Variants in PABPC4L observed in about 807,000 individuals in gnomAD.
The protein encoded by PABPC4L is polyadenylate-binding protein 4-like.
For synonymous variants in PABPC4L, 169 were observed against 164.1 expected (o/e 1.03, Z -0.23); for missense variants, 452 against 451.4 (o/e 1.00, Z -0.01).
At chr4:134,035,655 A>C in the PABPC4L span, among the ~76,000 whole-genome samples, 2 of 152,088 alleles carry the variant, frequency 1.3e-5, no homozygotes, top group South Asian at 4.2e-4. Flanking sequence ...CAACAACTTA[A>C]TGTGTTTCTA....
chr4:134,114,532 G>A, the PABPC4L span, among the ~76,000 whole-genome samples: 37 of 151,768 alleles, frequency 2.4e-4, no homozygotes, highest in Non-Finnish European at 1.9e-4. Context: ...AACCAATGAG[G>A]AACTGGGGGA....
At chr4:134,124,536 C>T in the PABPC4L span, among the ~76,000 whole-genome samples, 1 of 151,990 alleles carries the variant, frequency 6.6e-6, no homozygotes, top group East Asian at 1.9e-4. Context: ...CTCCAAATTG[C>T]AATTCTTGTT....
the PABPC4L span, among the ~76,000 whole-genome samples, chr4:134,009,987 C>T: frequency 6.6e-6 from 1 of 151,886 alleles, no homozygotes; most frequent in African/African-American, 2.4e-5. Context: ...AAGAGAAGCT[C>T]AGCTAATGAC....
chr4:133,991,703 G>A, the PABPC4L span, among the ~76,000 whole-genome samples: 2 of 152,174 alleles, frequency 1.3e-5, no homozygotes, highest in Non-Finnish European at 2.9e-5. Context: ...CTGGGACAGG[G>A]CACGTTCTAA....
At chr4:134,044,191 C>G in the PABPC4L span, among the ~76,000 whole-genome samples, 1 of 152,034 alleles carries the variant, frequency 6.6e-6, no homozygotes, top group South Asian at 2.1e-4. Flanking sequence ...TTGGGCCTCC[C>G]AAAGTGCTGG....
At chr4:134,105,782 G>A in the PABPC4L span, among the ~76,000 whole-genome samples, 1 of 151,588 alleles carries the variant, frequency 6.6e-6, no homozygotes, top group African/African-American at 2.4e-5. Flanking sequence ...AAGTTTTTTA[G>A]TGGGCTTTAT....
the PABPC4L span, among the ~76,000 whole-genome samples, chr4:134,099,826 C>A: frequency 6.6e-6 from 1 of 151,646 alleles, no homozygotes; most frequent in Non-Finnish European, 1.5e-5. Flanking sequence ...AAAGAGTGTT[C>A]TGGGTTGCTG....
At chr4:134,177,896 G>A in the PABPC4L span, among the ~76,000 whole-genome samples, 1 of 151,984 alleles carries the variant, frequency 6.6e-6, no homozygotes, top group Middle Eastern at 3.4e-3. Flanking sequence ...ACCATTAATA[G>A]CCAAGCAGGC....
At chr4:133,953,272 A>G in the PABPC4L span, among the ~76,000 whole-genome samples, 1 of 152,058 alleles carries the variant, frequency 6.6e-6, no homozygotes, top group Non-Finnish European at 1.5e-5. Context: ...CATCTTCTCC[A>G]AGAGGGGTCT....
At chr4:134,056,204 T>C in the PABPC4L span, among the ~76,000 whole-genome samples, 1 of 152,032 alleles carries the variant, frequency 6.6e-6, no homozygotes, top group Admixed American at 6.6e-5. Context: ...CCTCTCCATA[T>C]TAATTGAAAT....
At chr4:133,960,669 G>T in the PABPC4L span, among the ~76,000 whole-genome samples, 1 of 152,140 alleles carries the variant, frequency 6.6e-6, no homozygotes, top group South Asian at 2.1e-4. Context: ...GTATCCTGGG[G>T]CAAGTACTCA....
At chr4:134,072,474 G>A in the PABPC4L span, among the ~76,000 whole-genome samples, 1 of 152,060 alleles carries the variant, frequency 6.6e-6, no homozygotes, top group Middle Eastern at 3.2e-3. Context: ...TTTTAATTTT[G>A]TTTTACTTCT....
At chr4:134,166,452 G>T in the PABPC4L span, among the ~76,000 whole-genome samples, 2 of 152,174 alleles carry the variant, frequency 1.3e-5, no homozygotes, top group African/African-American at 4.8e-5. Flanking sequence ...CCCTAAGCCT[G>T]CAGAGGTCCC....
the PABPC4L span, among the ~76,000 whole-genome samples, chr4:134,172,067 C>T: frequency 6.6e-6 from 1 of 151,942 alleles, no homozygotes; most frequent in Non-Finnish European, 1.5e-5. Context: ...TAGGAAAAAT[C>T]AATATTGTTA....
the PABPC4L span, among the ~76,000 whole-genome samples, chr4:134,012,745 A>ATCC: frequency 1.2e-3 from 180 of 152,114 alleles, no homozygotes; most frequent in African/African-American, 3.9e-3. Context: ...CAGCCCAAGA[A>ATCC]ACGTCTCACC....
the PABPC4L span, among the ~76,000 whole-genome samples, chr4:134,000,776 G>T: frequency 6.6e-6 from 1 of 152,082 alleles, no homozygotes; most frequent in South Asian, 2.1e-4. Flanking sequence ...TAACTGGTAA[G>T]CTGGGAAACT....
At chr4:134,181,888 A>G in the PABPC4L span, among the ~76,000 whole-genome samples, 1 of 152,076 alleles carries the variant, frequency 6.6e-6, no homozygotes, top group Middle Eastern at 3.4e-3. Flanking sequence ...AAACAAATGG[A>G]AAAACATTCC....
At chr4:134,129,790 T>G in the PABPC4L span, among the ~76,000 whole-genome samples, 1 of 151,934 alleles carries the variant, frequency 6.6e-6, no homozygotes, top group African/African-American at 2.4e-5. Context: ...ACTTTGAGGC[T>G]GGATGCAGTG....
the PABPC4L span, among the ~76,000 whole-genome samples, chr4:134,136,995 A>G: frequency 6.6e-6 from 1 of 152,056 alleles, no homozygotes; most frequent in South Asian, 2.1e-4. Flanking sequence ...TCTATTTTAG[A>G]ACAAATGGGC....
Sources: gnomAD v4.1 joint callset for allele counts (sites outside exome capture counted in the v4.1 genomes callset) on GRCh38, gnomAD v4.1.1 for gene constraint, MANE v1.5 for transcripts, NCBI Gene and HGNC (gene_info 2026-07-23, HGNC 2026-07-21) for gene names.